The following CIRBP variants were observed in gnomAD, a reference collection of about 807,000 sequenced individuals.
CIRBP encodes cold-inducible RNA-binding protein.
In CIRBP, 11 loss-of-function variants were observed where a neutral mutation model predicts 22.3. The observed-to-expected ratio is 0.49, with a 90% confidence interval of 0.31 to 0.82. The LOEUF is 0.82. Ranked by LOEUF, CIRBP falls within the 40% of genes least tolerant of loss-of-function variation. CIRBP has a pLI of 0.05. For missense variants in CIRBP, 456 were observed against 402.7 expected, an observed-to-expected ratio of 1.13 and a Z score of -1.13; for synonymous variants, 216 against 158.8, an observed-to-expected ratio of 1.36 and a Z score of -2.71.
chr19:1,270,761 C>T (rs888813277), intron 1 of CIRBP, 167 bp from the exon 2 acceptor site: 6 of 614,400 alleles, frequency 9.8e-6, no homozygotes, highest in East Asian at 2.8e-5. Flanking sequence ...ACACTGCCCC[C>T]GACCCCAAAA....
In CIRBP at chr19:1,269,356, G is replaced by A. The variant is rs982647718; in HGVS notation, c.-61G>A. The A allele has an allele frequency of 6.6e-6, 1 of 152,118 alleles. No individual in the cohort carries two copies. The highest frequency in any genetic ancestry group is 2.4e-5 in the African/African-American group (1 of 41,420). 9.4% of individuals were successfully genotyped at this position (152,118 alleles called of 1,614,324 possible). ...CCTCACTCGCGCGTTAGGAGGCTCGGGTCGTTGTGGTGCGCTGTCTTCCCG... is the reference window on the plus strand; with the variant it reads ...CCTCACTCGCGCGTTAGGAGGCTCGAGTCGTTGTGGTGCGCTGTCTTCCCG... On this transcript the variant is annotated 5_prime_UTR_variant, in exon 1 of 6. Coordinates refer to ENST00000587896, the MANE Select transcript of CIRBP (RefSeq NM_001300829.2).
chr19:1,269,433 C>T (rs2081295102), intron 1 of CIRBP, 23 bp downstream of exon 1: 1 of 152,066 alleles, frequency 6.6e-6, no homozygotes, highest in South Asian at 2.1e-4. Context: ...GCTGCACCGG[C>T]TCCGAGGAGC....
At chr19:1,269,593 C>T (rs550715387) in intron 1 of CIRBP, among the ~76,000 whole-genome samples, 183 bp downstream of exon 1, 2 of 151,746 alleles carry the variant, frequency 1.3e-5, no homozygotes, top group East Asian at 3.9e-4. Flanking sequence ...GGCCTCTCCC[C>T]GCCGGTCCGG....
intron 1 of CIRBP, among the ~76,000 whole-genome samples, chr19:1,269,618 GGTT>G: frequency 6.6e-6 from 1 of 151,558 alleles, no homozygotes; most frequent in East Asian, 2.0e-4. Context: ...CCGGCGACCC[GGTT>G]GCCGCCGCAA....
rs1167219800 is a variant in CIRBP, at chr19:1,271,566, G to A, written c.365G>A (p.Gly122Asp). Residue 122 changes from glycine to aspartate, a missense_variant, in exon 5 of 6, where the codon GGC becomes GAC. By Grantham distance (94) the Gly-to-Asp change is moderately conservative. This residue lies in a region of CIRBP where 426 missense variants were observed against 339.6 expected (regional missense o/e 1.25). Coordinates refer to ENST00000587896, the MANE Select transcript of CIRBP (RefSeq NM_001300829.2). ...GTATGTGCAGGAGGAGGGGACCGAG[G>A]CTATGGGGGGAACCGGTTCGAGTCC... ...RGFSRGGGDR[G>D]YGGNRFESRS... 5 of 1,583,596 alleles carry A rather than the reference G, an allele frequency of 3.2e-6. No individual in the cohort carries two copies. The highest frequency in any genetic ancestry group is 1.1e-5 in the South Asian group (1 of 87,156).
At position 1,274,435 on chromosome 19, in the gene CIRBP, TC is replaced by T; in HGVS notation, c.*1996del. On this transcript the variant is annotated 3_prime_UTR_variant, in exon 6 of 6. Transcript: ENST00000587896. Reference sequence around the variant, plus strand: ...GGCAGCCGCTTGCCCAGGAGGCTTGTCCCCTGTAAGTGCTTTCGGGAAGAGT... The same window carrying T: ...GGCAGCCGCTTGCCCAGGAGGCTTGTCCCTGTAAGTGCTTTCGGGAAGAGT... 1 of 398,898 alleles carries T rather than the reference TC, an allele frequency of 2.5e-6. No individual in the cohort carries two copies. Among genetic ancestry groups the T allele is most frequent in the Non-Finnish European group, 4.4e-6 (1 of 225,190 alleles). The allele number at this position is 398,898 out of a possible 1,614,324, so 24.7% of individuals were successfully genotyped here.
Position 1,274,209 on chromosome 19 carries a change from G to T in CIRBP, c.*1766G>T. The T allele has an allele frequency of 2.5e-6, 1 of 399,658 alleles. No homozygotes were observed. The highest frequency in any genetic ancestry group is 1.3e-4 in the South Asian group (1 of 7,768). The allele number at this position is 399,658 out of a possible 1,614,324, so 24.8% of individuals were successfully genotyped here. ...GGTCACAGCCCCCTGACTAGCCTGA[G>T]ACCTTCCTAGGGGCTGTGGCTGTTT... is the stretch of plus-strand genomic sequence containing the variant. On this transcript the variant is annotated 3_prime_UTR_variant, in exon 6 of 6. Coordinates refer to ENST00000587896, the MANE Select transcript of CIRBP (RefSeq NM_001300829.2).
chr19:1,274,131 C>G lies in CIRBP; in HGVS notation c.*1688C>G, dbSNP rs886175925. On this transcript the variant is annotated 3_prime_UTR_variant, in exon 6 of 6. Coordinates refer to ENST00000587896, the MANE Select transcript of CIRBP (RefSeq NM_001300829.2). ...ATCCCATACGGGTAGCTGGCTCCAG[C>G]TGCGCCAAGGTGCAGACCCGCCCTG... 1 of 392,116 alleles carries G rather than the reference C, an allele frequency of 2.6e-6. No individual in the cohort carries two copies. The highest frequency in any genetic ancestry group is 1.4e-4 in the South Asian group (1 of 6,982). 24.3% of individuals were successfully genotyped at this position (392,116 alleles called of 1,614,324 possible).
intron 5 of CIRBP, 43 bp from the exon 6 acceptor site, chr19:1,271,938 T>A: frequency 1.3e-6 from 2 of 1,544,782 alleles, no homozygotes; most frequent in Non-Finnish European, 1.8e-6. Flanking sequence ...AGAGCAGAAG[T>A]AGACGGGTAC....
At chr19:1,270,237 C>G (rs1003169088) in intron 1 of CIRBP, 16 of 395,886 alleles carry the variant, frequency 4.0e-5, no homozygotes, top group African/African-American at 2.5e-4. Flanking sequence ...AGCCAGCCCC[C>G]CCCCCAGTCT....
chr19:1,270,544 G>A (rs916743654), intron 1 of CIRBP, among the ~76,000 whole-genome samples: 6 of 152,182 alleles, frequency 3.9e-5, no homozygotes, highest in African/African-American at 1.4e-4. Context: ...AAGGTGGGAG[G>A]ATTGCTTGAG....
rs1028196914 is a variant in CIRBP, at chr19:1,273,208, A to C, written c.*765A>C. On this transcript the variant is annotated 3_prime_UTR_variant, in exon 6 of 6. Coordinates refer to ENST00000587896, the MANE Select transcript of CIRBP (RefSeq NM_001300829.2). ...ACAATTCCCTTGCATTGCACCACAC[A>C]CTCCTTGCTGCGGGCTCCTGCAGCC... The C allele has an allele frequency of 6.6e-6, 1 of 152,162 alleles. No individual in the cohort carries two copies. The highest frequency in any genetic ancestry group is 1.5e-5 in the Non-Finnish European group (1 of 68,022). 9.4% of individuals were successfully genotyped at this position (152,162 alleles called of 1,614,324 possible).
intron 1 of CIRBP, 124 bp from the exon 2 acceptor site, chr19:1,270,804 A>G (rs1321058272): frequency 6.4e-6 from 5 of 775,866 alleles, no homozygotes; most frequent in Non-Finnish European, 1.1e-5. Context: ...TGAGATAATG[A>G]AAAATAAAAA....
intron 5 of CIRBP, 157 bp downstream of exon 5, chr19:1,271,789 A>AT: frequency 1.4e-6 from 1 of 702,926 alleles, no homozygotes. Flanking sequence ...TGCTCAGGAC[A>AT]TTCGCAGAAG....
At chr19:1,270,772 AAAT>A in intron 1 of CIRBP, 153 bp from the exon 2 acceptor site, 1 of 656,824 alleles carries the variant, frequency 1.5e-6, no homozygotes, top group Non-Finnish European at 2.7e-6. Flanking sequence ...GACCCCAAAA[AAAT>A]AAGTCCTAGG....
At chr19:1,271,867 C>G (rs1021393773) in intron 5 of CIRBP, 114 bp from the exon 6 acceptor site, 19 of 929,202 alleles carry the variant, frequency 2.0e-5, no homozygotes, top group Non-Finnish European at 3.2e-5. Context: ...CTGCTGGGGT[C>G]CTTGTTGTGT....
rs2081379993 is a variant in CIRBP at position 1,273,786 on chromosome 19, T to C, written c.*1343T>C. The C allele has an allele frequency of 6.6e-6, 1 of 152,370 alleles. No individual in the cohort carries two copies. The highest frequency in any genetic ancestry group is 1.5e-5 in the Non-Finnish European group (1 of 68,154). The allele number at this position is 152,370 out of a possible 1,614,324, so 9.4% of individuals were successfully genotyped here. On this transcript the variant is annotated 3_prime_UTR_variant, in exon 6 of 6. Coordinates refer to ENST00000587896, the MANE Select transcript of CIRBP (RefSeq NM_001300829.2). ...CTGAAAGTCATGTGCCCGGGGAATG[T>C]TCCTGTGACTGTTTTTTGTTTTTCC...
At chr19:1,271,924 T>A (rs770547263) in intron 5 of CIRBP, 57 bp from the exon 6 acceptor site, 14 of 1,475,212 alleles carry the variant, frequency 9.5e-6, no homozygotes, top group Admixed American at 7.0e-5. Context: ...CAGCCTGTTG[T>A]GGCAGAGCAG....
chr19:1,271,855 C>T (rs1389700607), intron 5 of CIRBP, 126 bp from the exon 6 acceptor site: 13 of 848,148 alleles, frequency 1.5e-5, no homozygotes, highest in East Asian at 4.9e-5. Context: ...CAAGATGCTG[C>T]CCTGCTGGGG....
Sources: allele counts gnomAD v4.1 joint callset (sites outside exome capture counted in the v4.1 genomes callset), GRCh38; gene constraint gnomAD v4.1.1; regional missense constraint gnomAD v4.1.1; transcripts MANE v1.5; gene names NCBI Gene and HGNC (gene_info 2026-07-23, HGNC 2026-07-21).